SHROOM3: variants seen among roughly 807,000 people sequenced by gnomAD.
The protein encoded by SHROOM3 is protein Shroom3.
Under a neutral mutation model 138.6 loss-of-function variants are expected in SHROOM3, and 47 were observed. The observed-to-expected ratio is 0.34, with a 90% CI of 0.27 to 0.43. The LOEUF (loss-of-function observed/expected upper bound fraction) is 0.43, where lower values mean the gene tolerates loss of function less well. Among genes scored for constraint, SHROOM3 ranks in the 20% least tolerant of loss-of-function variants. The pLI is 1.00. For missense variants in SHROOM3, 2,491 were observed against 2,596.5 expected (o/e 0.96, Z 0.88); for synonymous variants, 1,062 against 1,063.3 (o/e 1.00, Z 0.02).
At chr4:76,764,542 T>C (rs979471346) in intron 9 of SHROOM3, among the ~76,000 whole-genome samples, 10 of 152,250 alleles carry the variant, frequency 6.6e-5, no homozygotes, top group African/African-American at 9.6e-5. Context: ...ATAGGTCTGC[T>C]GATAACACAT....
At chr4:76,518,577 G>A (rs1307592239) in intron 1 of SHROOM3, among the ~76,000 whole-genome samples, 1 of 147,750 alleles carries the variant, frequency 6.8e-6, no homozygotes, top group Non-Finnish European at 1.5e-5. Context: ...TTGCCTGCTT[G>A]CCTGCCTGCC....
chr4:76,543,723 G>GT lies in SHROOM3; in HGVS notation c.169-11880dup, dbSNP rs148844511. Among the ~76,000 whole-genome samples, 1,061 of 152,252 alleles carry GT rather than the reference G, an allele frequency of 7.0e-3. 15 individuals carry two copies. The highest frequency in any genetic ancestry group is 0.025 in the African/African-American group (1,026 of 41,552). ...GGATCTCTGCCTGGAGATGACACGT[G>GT]TTTTTTCTGCTCAAAATATGCTGAC... On this transcript the variant is annotated intron_variant, in intron 1 of 10. Transcript: ENST00000296043.
At chr4:76,724,354 T>A (rs1209787575) in intron 3 of SHROOM3, among the ~76,000 whole-genome samples, 1 of 152,214 alleles carries the variant, frequency 6.6e-6, no homozygotes, top group Admixed American at 6.5e-5. Flanking sequence ...GTAAAATTAG[T>A]ATGCCATGCT....
At position 76,679,650 on chromosome 4, in the gene SHROOM3, A is replaced by T. The variant is rs1343262624; in HGVS notation, c.324-30506A>T. Among the ~76,000 whole-genome samples the T allele has an allele frequency of 5.3e-5, 8 of 152,302 alleles. No homozygotes were observed. In the East Asian group the frequency reaches 1.5e-3, roughly 29 times the overall value. On this transcript the variant is annotated intron_variant, in intron 2 of 10. Transcript: ENST00000296043. ...TCAAGTCTTGTGCTTTTTGGACATCATCAATTAAAATACTCACTTGTCTCA... is the reference window on the plus strand; with the variant it reads ...TCAAGTCTTGTGCTTTTTGGACATCTTCAATTAAAATACTCACTTGTCTCA...
In SHROOM3 at chr4:76,739,502, C is replaced by A. The variant is rs1197986256; in HGVS notation, c.1329C>A (p.Ser443Arg). 6.2e-7 allele frequency: 1 copy of A among 1,613,932 alleles called. No individual in the cohort carries two copies. The highest frequency in any genetic ancestry group is 8.5e-7 in the Non-Finnish European group (1 of 1,179,964). The change falls in exon 5 of 11, where the codon AGC (serine) becomes AGA (arginine). Residue 443 changes from serine (S) to arginine (R), a missense_variant. Ser to Arg is a moderately radical substitution (Grantham distance 110, BLOSUM62 -1). Around this residue, in one of 4 missense-constraint regions of SHROOM3, gnomAD observed 1,733 missense variants for 1,661.6 expected, o/e 1.04. Coordinates refer to ENST00000296043, the MANE Select transcript of SHROOM3 (RefSeq NM_020859.4). ...TGCTGGAGAAGAGTCCAGAGAACAG[C>A]CCCCCAGTGAAGCCCAAGCATAACT... The part of the protein sequence containing the change: ...HTVLEKSPEN[S>R]PPVKPKHNYT...
At chr4:76,521,143 C>T (rs1430940728) in intron 1 of SHROOM3, among the ~76,000 whole-genome samples, 2 of 151,992 alleles carry the variant, frequency 1.3e-5, no homozygotes, top group Non-Finnish European at 2.9e-5. Flanking sequence ...CTCTAATATT[C>T]CCTTTAAGGG....
At chr4:76,708,384 CAA>C (rs3045221) in intron 2 of SHROOM3, among the ~76,000 whole-genome samples, 22,954 of 128,806 alleles carry the variant, frequency 0.18, 1,957 homozygotes, top group South Asian at 0.26. Flanking sequence ...AGACATTGTG[CAA>C]AAAAAAAAAA....
chr4:76,703,794 A>G (rs888471216), intron 2 of SHROOM3, among the ~76,000 whole-genome samples: 11 of 152,228 alleles, frequency 7.2e-5, no homozygotes, highest in African/African-American at 2.7e-4. Context: ...TACACACCCA[A>G]CATAAATCAA....
intron 6 of SHROOM3, 139 bp downstream of exon 6, chr4:76,749,229 C>CTTT: frequency 6.3e-6 from 4 of 636,950 alleles, no homozygotes; most frequent in Non-Finnish European, 1.1e-5. Context: ...CCATGGATAA[C>CTTT]TTTTTTTTTT....
At chr4:76,543,764 G>T (rs1417866034) in intron 1 of SHROOM3, among the ~76,000 whole-genome samples, 2 of 152,140 alleles carry the variant, frequency 1.3e-5, no homozygotes, top group African/African-American at 2.4e-5. Context: ...ATGTTTCATG[G>T]CTCTACCCAA....
chr4:76,456,675 T>G (rs183504930), intron 1 of SHROOM3, among the ~76,000 whole-genome samples: 15 of 152,312 alleles, frequency 9.8e-5, no homozygotes, highest in African/African-American at 3.4e-4. Flanking sequence ...TGATGCAGAT[T>G]ATCGATTTAT....
Position 76,778,984 on chromosome 4 carries a change from T to C in SHROOM3, c.5798T>C (p.Ile1933Thr), listed in dbSNP as rs1164916313. The change falls in exon 11 of 11, where the codon ATT becomes ACT. Residue 1933 changes from isoleucine (I) to threonine (T), a missense_variant. By Grantham distance (89) the Ile-to-Thr change is moderately conservative. Around this residue, in one of 4 missense-constraint regions of SHROOM3, gnomAD observed 470 missense variants for 595.0 expected, o/e 0.79. Coordinates refer to ENST00000296043, the MANE Select transcript of SHROOM3 (RefSeq NM_020859.4). ...HFVKMKSTLL[I>T]EQRKLDDKIK... ...GTGAAAATGAAGTCCACGCTCCTCA[T>C]TGAGCAACGGAAGCTGGATGACAAG... is the stretch of plus-strand genomic sequence containing the variant. 4 of 1,614,030 alleles carry C rather than the reference T, an allele frequency of 2.5e-6. No individual in the cohort carries two copies. Among genetic ancestry groups the C allele is most frequent in the Non-Finnish European group, 3.4e-6 (4 of 1,180,030 alleles).
chr4:76,642,664 C>T (rs368804690), intron 2 of SHROOM3, among the ~76,000 whole-genome samples: 20 of 152,092 alleles, frequency 1.3e-4, no homozygotes, highest in African/African-American at 4.1e-4. Flanking sequence ...CCATTTAAGC[C>T]GAACTGTAAA....
At chr4:76,568,771 AT>A (rs1240240634) in intron 2 of SHROOM3, among the ~76,000 whole-genome samples, 2 of 152,086 alleles carry the variant, frequency 1.3e-5, no homozygotes, top group South Asian at 4.2e-4. Context: ...GGAGGTTTGG[AT>A]TTGTTTCTAC....
chr4:76,544,657 A>G (rs1478467164), intron 1 of SHROOM3, among the ~76,000 whole-genome samples: 4 of 152,106 alleles, frequency 2.6e-5, no homozygotes, highest in Non-Finnish European at 5.9e-5. Flanking sequence ...TCAGCCTCCC[A>G]AAGTGCTGGG....
chr4:76,613,373 A>G (rs947241272), intron 2 of SHROOM3, among the ~76,000 whole-genome samples: 6 of 152,224 alleles, frequency 3.9e-5, no homozygotes, highest in Non-Finnish European at 4.4e-5. Flanking sequence ...CATAGCCAAG[A>G]CAAGCTGTTA....
Position 76,741,088 on chromosome 4 carries a change from A to G in SHROOM3, c.2915A>G (p.Glu972Gly), listed in dbSNP as rs1201422732. Reference protein sequence around the residue: ...SSAHVGLRSPEASASASPHTP... With the variant: ...SSAHVGLRSPGASASASPHTP... Reference sequence around the variant, plus strand: ...GCCCACGTGGGGCTGCGGAGCCCCGAGGCGTCGGCCTCCGCCTCCCCGCAC... The same window carrying G: ...GCCCACGTGGGGCTGCGGAGCCCCGGGGCGTCGGCCTCCGCCTCCCCGCAC... Residue 972 changes from glutamate to glycine, a missense_variant, in exon 5 of 11, where the codon GAG becomes GGG. Glu to Gly is a moderately conservative substitution (Grantham distance 98). Transcript: ENST00000296043. This position sits in a 1 kb window ranked among gnomAD's most constrained non-coding sequence, Gnocchi z 6.2. The G allele has an allele frequency of 3.9e-6, 6 of 1,542,970 alleles. No homozygotes were observed. The East Asian group carries it at 9.8e-5, about 25-fold the overall frequency.
intron 2 of SHROOM3, among the ~76,000 whole-genome samples, chr4:76,587,795 A>C (rs1417033641): frequency 2.0e-5 from 3 of 152,208 alleles, no homozygotes; most frequent in Non-Finnish European, 4.4e-5. Context: ...GTGTATATGC[A>C]AGTGATTTTA....
intron 1 of SHROOM3, among the ~76,000 whole-genome samples, chr4:76,527,839 C>T (rs891034151): frequency 6.6e-6 from 1 of 152,188 alleles, no homozygotes; most frequent in Non-Finnish European, 1.5e-5. Flanking sequence ...CCATGACCAG[C>T]CCTGCTGGCC....
Sources: allele counts gnomAD v4.1 joint callset (sites outside exome capture counted in the v4.1 genomes callset), GRCh38; gene constraint gnomAD v4.1.1; regional missense constraint gnomAD v4.1.1; non-coding constraint Gnocchi (gnomAD v3.1); transcripts MANE v1.5; gene names NCBI Gene and HGNC (gene_info 2026-07-23, HGNC 2026-07-21).